DIPK1B: variants seen among roughly 807,000 people sequenced by gnomAD.
DIPK1B encodes the protein family with sequence similarity 69 member B.
A neutral mutation model predicts 20.7 loss-of-function variants in DIPK1B; 17 were observed. That is an observed-to-expected ratio of 0.82 (90% CI 0.56 to 1.23). The LOEUF (loss-of-function observed/expected upper bound fraction) is 1.23, where lower values mean the gene tolerates loss of function less well. Ranked by LOEUF, DIPK1B falls within the 50% of genes most tolerant of loss-of-function variation. The probability of loss-of-function intolerance (pLI) is 0.00; values close to 1 mark genes in which losing one functional copy is unlikely to be tolerated. For missense variants in DIPK1B, 648 were observed against 601.8 expected (o/e 1.08, Z -0.80); for synonymous variants, 343 against 276.5 (o/e 1.24, Z -2.39).
intron 2 of DIPK1B, among the ~76,000 whole-genome samples, chr9:136,718,103 A>AGC (rs1827926640): frequency 3.5e-5 from 1 of 28,726 alleles, no homozygotes; most frequent in Admixed American, 3.3e-4. Flanking sequence ...TGGATGGGAT[A>AGC]GAGACCCCCG....
intron 1 of DIPK1B, among the ~76,000 whole-genome samples, chr9:136,716,120 G>A (rs1445758657): frequency 6.6e-6 from 1 of 152,056 alleles, no homozygotes. Flanking sequence ...CCTTCTGGGT[G>A]GACATCAGAT....
chr9:136,722,166 G>A lies in DIPK1B; in HGVS notation c.348G>A (p.Lys116=), dbSNP rs766133719. 4 of 1,614,044 alleles carry A rather than the reference G, an allele frequency of 2.5e-6. No homozygotes were observed. Among genetic ancestry groups the A allele is most frequent in the Admixed American group, 1.7e-5 (1 of 60,022 alleles). Residue 116 remains lysine, a synonymous_variant, in exon 4 of 5, where the codon AAG becomes AAA. Transcript: ENST00000371692. ...GGCGGGACAAGGATGTAACCATCAA[G>A]TGTGGCATTGAGGAGACCCTCGACT... The part of the protein sequence containing the change: ...GLWRDKDVTI[K]CGIEETLDSK...
Position 136,721,928 on chromosome 9 carries a change from A to G in DIPK1B, c.206A>G (p.Gln69Arg), listed in dbSNP as rs1846608047. Residue 69 changes from glutamine to arginine, a missense_variant, in exon 3 of 5, where the codon CAG becomes CGG. Physicochemically the swap from Gln to Arg is conservative, Grantham distance 43. Coordinates refer to ENST00000371692, the MANE Select transcript of DIPK1B (RefSeq NM_152421.4). ...GHVCQVVICD[Q>R]YRKGIISGSV... ...CTGCACCTGTCTCCTCAGTGTGACC[A>G]GTACCGCAAGGGGATCATCTCGGGC... The G allele has an allele frequency of 3.7e-6, 6 of 1,613,236 alleles. No homozygotes were observed. The highest frequency in any genetic ancestry group is 5.1e-6 in the Non-Finnish European group (6 of 1,179,924).
chr9:136,723,263 AGTGGCTGGGGCCTGC>A lies in DIPK1B; in HGVS notation c.791_805del (p.Leu264_Trp268del). On this transcript the variant is annotated inframe_deletion, in exon 5 of 5. Transcript: ENST00000371692. ...CCTGCCCTGCAGGGTGCTCTCCAGC[AGTGGCTGGGGCCTGC>A]GTGGCCTTGGCGGGCCAAGATCGCC... The A allele has an allele frequency of 6.2e-7, 1 of 1,612,764 alleles. No homozygotes were observed. The highest frequency in any genetic ancestry group is 8.5e-7 in the Non-Finnish European group (1 of 1,179,772).
rs1449448579 is a variant in DIPK1B at position 136,722,038 on chromosome 9, C to T, written c.306+10C>T. ...GGCCCCGGGCCAGCAGGTATAGCCA[C>T]TGGCAGGGCGGGTGGGCCTGGGGCT... On this transcript the variant is annotated intron_variant, in intron 3 of 4. Coordinates refer to ENST00000371692, the MANE Select transcript of DIPK1B (RefSeq NM_152421.4). 5 of 1,613,224 alleles carry T rather than the reference C, an allele frequency of 3.1e-6. No individual in the cohort carries two copies. The highest frequency in any genetic ancestry group is 1.1e-5 in the South Asian group (1 of 91,062).
chr9:136,722,069 T>C, intron 3 of DIPK1B, 41 bp downstream of exon 3: 1 of 1,613,322 alleles, frequency 6.2e-7, no homozygotes, highest in Non-Finnish European at 8.5e-7. Context: ...GGGCTGATAC[T>C]GCCCGTGCAG....
In DIPK1B at chr9:136,721,937, A is replaced by G. The variant is rs1218997215; in HGVS notation, c.215A>G (p.Lys72Arg). The G allele has an allele frequency of 2.5e-6, 4 of 1,613,236 alleles. No homozygotes were observed. The East Asian group carries it at 6.7e-5, about 27-fold the overall frequency. ...CQVVICDQYR[K>R]GIISGSVCQD... Reference sequence around the variant, plus strand: ...TCTCCTCAGTGTGACCAGTACCGCAAGGGGATCATCTCGGGCTCCGTCTGC... The same window carrying G: ...TCTCCTCAGTGTGACCAGTACCGCAGGGGGATCATCTCGGGCTCCGTCTGC... The change falls in exon 3 of 5, where the codon AAG becomes AGG. Residue 72 changes from lysine (K) to arginine (R), a missense_variant. Physicochemically the swap from Lys to Arg is conservative, Grantham distance 26. Transcript: ENST00000371692.
intron 1 of DIPK1B, 47 bp from the exon 2 acceptor site, chr9:136,717,530 C>T: frequency 6.3e-7 from 1 of 1,577,800 alleles, no homozygotes; most frequent in Non-Finnish European, 8.5e-7. Context: ...GCACCCTGAG[C>T]CTGGGTGCCC....
chr9:136,723,668 C>A lies in DIPK1B; in HGVS notation c.1190C>A (p.Thr397Asn), dbSNP rs749581236. The A allele has an allele frequency of 2.6e-6, 4 of 1,549,920 alleles. No individual in the cohort carries two copies. Among genetic ancestry groups the A allele is most frequent in the Non-Finnish European group, 3.5e-6 (4 of 1,150,994 alleles). The change falls in exon 5 of 5, where the codon ACC (threonine) becomes AAC (asparagine). Residue 397 changes from threonine to asparagine, a missense_variant. Thr to Asn is a moderately conservative substitution (Grantham distance 65, BLOSUM62 0). Coordinates refer to ENST00000371692, the MANE Select transcript of DIPK1B (RefSeq NM_152421.4). Reference sequence around the variant, plus strand: ...CTGGGCACACAGCTGCGCACCTGTACCACGCTGAGCGGGCTGGCCAGCCAG... The same window carrying A: ...CTGGGCACACAGCTGCGCACCTGTAACACGCTGAGCGGGCTGGCCAGCCAG... ...EELGTQLRTC[T>N]TLSGLASQVE...
At position 136,722,241 on chromosome 9, in the gene DIPK1B, C is replaced by T. The variant is rs754162914; in HGVS notation, c.423C>T (p.Asp141=). 1 of 1,613,980 alleles carries T rather than the reference C, an allele frequency of 6.2e-7. No homozygotes were observed. The highest frequency in any genetic ancestry group is 1.1e-5 in the South Asian group (1 of 91,080). The change falls in exon 4 of 5, where the codon GAC becomes GAT. Residue 141 remains aspartate (D), a synonymous_variant. Coordinates refer to ENST00000371692, the MANE Select transcript of DIPK1B (RefSeq NM_152421.4). Reference sequence around the variant, plus strand: ...CCCGGCGGGAGCTGGTACTGTTTGACAAGCCCACCCGGGGCACCTCCATCA... The same window carrying T: ...CCCGGCGGGAGCTGGTACTGTTTGATAAGCCCACCCGGGGCACCTCCATCA... ...AAPRRELVLF[D]KPTRGTSIKE...
rs779808947 is a variant in DIPK1B, at chr9:136,724,281, T to C, written c.*507T>C. Among the ~76,000 whole-genome samples, 1 of 152,274 alleles carries C rather than the reference T, an allele frequency of 6.6e-6. No individual in the cohort carries two copies. Among genetic ancestry groups the C allele is most frequent in the Non-Finnish European group, 1.5e-5 (1 of 68,010 alleles). Reference sequence around the variant, plus strand: ...ACACAGCGGCTTCTGAAACAGTCAATGACCAGTACCCCCCAAACCTGGGCT... The same window carrying C: ...ACACAGCGGCTTCTGAAACAGTCAACGACCAGTACCCCCCAAACCTGGGCT... On this transcript the variant is annotated 3_prime_UTR_variant, in exon 5 of 5. Transcript: ENST00000371692.
At chr9:136,720,628 G>T (rs952957343) in intron 2 of DIPK1B, among the ~76,000 whole-genome samples, 4 of 152,218 alleles carry the variant, frequency 2.6e-5, no homozygotes, top group Non-Finnish European at 5.9e-5. Flanking sequence ...AAGTCTCCCT[G>T]GGGGTCTGGC....
At chr9:136,713,133 C>A (rs772045731) in intron 1 of DIPK1B, among the ~76,000 whole-genome samples, 7 of 152,236 alleles carry the variant, frequency 4.6e-5, no homozygotes, top group Non-Finnish European at 1.0e-4. Flanking sequence ...CCCCTTCATC[C>A]CATCAGCCAG....
rs755821017 is a variant in DIPK1B, at chr9:136,722,215, C to A, written c.397C>A (p.Pro133Thr). The A allele has an allele frequency of 4.3e-6, 7 of 1,614,030 alleles. No homozygotes were observed. The highest frequency in any genetic ancestry group is 5.9e-6 in the Non-Finnish European group (7 of 1,180,016). ...CTCCAAGGCCCGGTCGGATGCGGCC[C>A]CCCGGCGGGAGCTGGTACTGTTTGA... The part of the protein sequence containing the change: ...LDSKARSDAA[P>T]RRELVLFDKP... The change falls in exon 4 of 5, where the codon CCC becomes ACC. Residue 133 changes from proline to threonine, a missense_variant. Physicochemically the swap from Pro to Thr is conservative, Grantham distance 38. Coordinates refer to ENST00000371692, the MANE Select transcript of DIPK1B (RefSeq NM_152421.4).
chr9:136,713,153 G>C (rs1846450158), intron 1 of DIPK1B, among the ~76,000 whole-genome samples: 2 of 152,282 alleles, frequency 1.3e-5, no homozygotes, highest in African/African-American at 4.8e-5. Flanking sequence ...GCCGTAGCGC[G>C]GGGACCCTGC....
intron 4 of DIPK1B, 60 bp from the exon 5 acceptor site, chr9:136,722,902 G>C: frequency 2.7e-6 from 4 of 1,495,976 alleles, no homozygotes; most frequent in Non-Finnish European, 3.6e-6. Context: ...GTAAAGGCCA[G>C]GTCGTGCTCC....
chr9:136,715,538 G>A (rs1311460697), intron 1 of DIPK1B, among the ~76,000 whole-genome samples: 5 of 150,004 alleles, frequency 3.3e-5, no homozygotes, highest in Non-Finnish European at 7.4e-5. Context: ...TTTTTGAGAC[G>A]GAGCCTCACT....
At chr9:136,717,739 C>A (rs181849819) in intron 2 of DIPK1B, 28 bp downstream of exon 2, 2 of 1,608,982 alleles carry the variant, frequency 1.2e-6, no homozygotes, top group Non-Finnish European at 1.7e-6. Context: ...GGGCTGGGGA[C>A]TGGGCCGTGC....
chr9:136,722,891 G>C (rs1588286186), intron 4 of DIPK1B, 71 bp from the exon 5 acceptor site: 3 of 1,461,198 alleles, frequency 2.1e-6, no homozygotes, highest in Non-Finnish European at 1.8e-6. Flanking sequence ...AGGAGGACCA[G>C]GTAAAGGCCA....
Sources: allele counts gnomAD v4.1 joint callset (sites outside exome capture counted in the v4.1 genomes callset), GRCh38; gene constraint gnomAD v4.1.1; transcripts MANE v1.5; gene names NCBI Gene and HGNC (gene_info 2026-07-23, HGNC 2026-07-21).